The following EYS variants were observed in gnomAD, a reference collection of about 807,000 sequenced individuals.
The protein encoded by EYS is EGF-like photoreceptor maintenance factor.
EYS carries 250 observed loss-of-function variants against 282.1 expected under a neutral mutation model. The observed-to-expected ratio is 0.89, with a 90% confidence interval of 0.80 to 0.98. The LOEUF is 0.98. Among genes scored for constraint, EYS ranks in the 50% least tolerant of loss-of-function variants. The pLI is 0.00. For missense variants in EYS, 4,016 were observed against 3,709.0 expected (o/e 1.08, Z -2.15); for synonymous variants, 1,355 against 1,282.9 (o/e 1.06, Z -1.20).
chr6:65,459,441 A>C (rs1489390527), intron 5 of EYS, among the ~76,000 whole-genome samples: 1 of 152,084 alleles, frequency 6.6e-6, no homozygotes, highest in Non-Finnish European at 1.5e-5. Flanking sequence ...GTGAAACAAA[A>C]TGACTAAAGA....
chr6:64,912,598 C>G lies in EYS; in HGVS notation c.2527G>C (p.Gly843Arg). 1 of 1,551,192 alleles carries G rather than the reference C, an allele frequency of 6.4e-7. No homozygotes were observed. Among genetic ancestry groups the G allele is most frequent in the Non-Finnish European group, 8.7e-7 (1 of 1,146,684 alleles). Reference protein sequence around the residue: ...FVCLCPPLYTGQFCHQRYNLC... With the variant: ...FVCLCPPLYTRQFCHQRYNLC... ...TTATAGCGTTGGTGGCAAAATTGTCCAGTATAAAGGGGTGGGCACAGACAT... is the reference window on the plus strand; with the variant it reads ...TTATAGCGTTGGTGGCAAAATTGTCGAGTATAAAGGGGTGGGCACAGACAT... Residue 843 changes from glycine to arginine, a missense_variant, in exon 16 of 43, where the codon GGA becomes CGA. Transcript: ENST00000503581.
At chr6:64,655,703 AG>A (rs577352216) in intron 22 of EYS, among the ~76,000 whole-genome samples, 3 of 152,040 alleles carry the variant, frequency 2.0e-5, no homozygotes, top group Non-Finnish European at 4.4e-5. Flanking sequence ...ATATATAATA[AG>A]TCATGGATAA....
chr6:64,096,314 G>A lies in EYS; in HGVS notation c.6425-14312C>T, dbSNP rs548050051. Among the ~76,000 whole-genome samples the A allele has an allele frequency of 8.5e-5, 13 of 152,330 alleles. 1 individual carries two copies. In the South Asian group the frequency reaches 2.3e-3, roughly 27 times the overall value. On this transcript the variant is annotated intron_variant, in intron 31 of 42. Coordinates refer to ENST00000503581, the MANE Select transcript of EYS (RefSeq NM_001142800.2). The stretch of plus-strand genomic sequence containing the variant: ...TGTTGGCCTGCCTTGCTAGATTGGG[G>A]AAGTTCTCCTGGATAATATACTGCA...
intron 5 of EYS, among the ~76,000 whole-genome samples, chr6:65,406,762 A>T (rs1766762096): frequency 6.6e-6 from 1 of 152,136 alleles, no homozygotes; most frequent in South Asian, 2.1e-4. Flanking sequence ...TTGCACATAG[A>T]TATGCAAGAA....
At chr6:64,338,138 G>A (rs956912266) in intron 29 of EYS, among the ~76,000 whole-genome samples, 1 of 151,976 alleles carries the variant, frequency 6.6e-6, no homozygotes, top group South Asian at 2.1e-4. Flanking sequence ...AGAGCAGTCA[G>A]ACAAGAGAAG....
intron 33 of EYS, among the ~76,000 whole-genome samples, chr6:64,029,585 C>T (rs140569697): frequency 0.013 from 1,964 of 152,272 alleles, 38 homozygotes; most frequent in African/African-American, 0.045. Context: ...AGCATGACTG[C>T]CAACAAATTA....
chr6:65,547,900 T>G (rs1357905586), intron 2 of EYS, among the ~76,000 whole-genome samples: 3 of 152,194 alleles, frequency 2.0e-5, no homozygotes, highest in Non-Finnish European at 4.4e-5. Flanking sequence ...CAATATGATT[T>G]AAACAGATAC....
intron 35 of EYS, among the ~76,000 whole-genome samples, chr6:63,932,927 T>C (rs1428378034): frequency 6.6e-6 from 1 of 152,250 alleles, no homozygotes; most frequent in Non-Finnish European, 1.5e-5. Context: ...TTCTGACCAA[T>C]TGGCTATAAA....
intron 30 of EYS, among the ~76,000 whole-genome samples, chr6:64,304,019 C>T (rs1030181073): frequency 6.6e-6 from 1 of 152,152 alleles, no homozygotes; most frequent in Admixed American, 6.5e-5. Context: ...TGAATGATTG[C>T]TCTCTACTCA....
chr6:64,653,009 G>A (rs560131693), intron 22 of EYS, among the ~76,000 whole-genome samples: 2 of 152,110 alleles, frequency 1.3e-5, no homozygotes, highest in Non-Finnish European at 2.9e-5. Flanking sequence ...CAGTACCCCC[G>A]TATGTAACGT....
chr6:64,943,639 A>G (rs190429594), intron 15 of EYS, among the ~76,000 whole-genome samples: 1 of 152,224 alleles, frequency 6.6e-6, no homozygotes, highest in African/African-American at 2.4e-5. Flanking sequence ...AGCAAGGAAT[A>G]CATCTAATCA....
At chr6:64,816,493 G>C (rs1028354272) in intron 21 of EYS, among the ~76,000 whole-genome samples, 4 of 151,940 alleles carry the variant, frequency 2.6e-5, no homozygotes, top group Non-Finnish European at 4.4e-5. Context: ...CACTTGTTTT[G>C]CTCTTCTGAT....
intron 7 of EYS, among the ~76,000 whole-genome samples, chr6:65,401,295 T>C (rs1206960971): frequency 2.6e-5 from 4 of 151,530 alleles, no homozygotes; most frequent in East Asian, 1.9e-4. Flanking sequence ...TTCAACTTCA[T>C]ACTTAATTAA....
chr6:64,571,031 T>C (rs189183112), intron 26 of EYS, among the ~76,000 whole-genome samples: 1 of 152,232 alleles, frequency 6.6e-6, no homozygotes, highest in East Asian at 1.9e-4. Context: ...TAATTAGAAG[T>C]GAAACACTCC....
intron 13 of EYS, among the ~76,000 whole-genome samples, chr6:65,011,849 G>A (rs138642209): frequency 9.8e-5 from 15 of 152,318 alleles, no homozygotes; most frequent in Middle Eastern, 3.4e-3. Context: ...AGAGCACAGC[G>A]GGAGGGACAA....
intron 22 of EYS, among the ~76,000 whole-genome samples, chr6:64,634,562 A>G (rs961737406): frequency 6.7e-6 from 1 of 149,504 alleles, no homozygotes; most frequent in African/African-American, 2.5e-5. Context: ...AAAAAAAAAA[A>G]GAGCCCTAAG....
chr6:64,655,131 C>A (rs1266263775), intron 22 of EYS, among the ~76,000 whole-genome samples: 4 of 152,124 alleles, frequency 2.6e-5, no homozygotes, highest in Admixed American at 1.3e-4. Flanking sequence ...TTCCTCTTAA[C>A]CCCCACTCCA....
chr6:65,201,395 T>A (rs1017825352), intron 12 of EYS, among the ~76,000 whole-genome samples: 6 of 152,192 alleles, frequency 3.9e-5, no homozygotes, highest in Non-Finnish European at 7.3e-5. Flanking sequence ...GCCTGATATA[T>A]TTTAATAATG....
chr6:63,943,540 TG>T (rs1426805969), intron 35 of EYS, among the ~76,000 whole-genome samples: 2 of 152,224 alleles, frequency 1.3e-5, no homozygotes, highest in East Asian at 3.8e-4. Context: ...GAATTTTTCT[TG>T]ATAAGAAGAT....
Sources: gnomAD v4.1 joint callset for allele counts (sites outside exome capture counted in the v4.1 genomes callset) on GRCh38, gnomAD v4.1.1 for gene constraint, MANE v1.5 for transcripts, NCBI Gene and HGNC (gene_info 2026-07-23, HGNC 2026-07-21) for gene names.